HM13: variants seen among roughly 807,000 people sequenced by gnomAD.
The protein encoded by HM13 is histocompatibility minor 13.
A neutral mutation model predicts 50.0 loss-of-function variants in HM13; 18 were observed. The ratio of observed to expected loss-of-function variants is 0.36; its 90% confidence interval spans 0.25 to 0.53. The LOEUF (loss-of-function observed/expected upper bound fraction) is 0.53. HM13 is among the 20% of genes least tolerant of loss of function. The pLI, the probability that HM13 is intolerant of heterozygous loss-of-function variation, is 0.90. For missense variants in HM13, 393 were observed against 552.4 expected (o/e 0.71, Z 2.89); for synonymous variants, 197 against 232.6 (o/e 0.85, Z 1.39).
In HM13 at chr20:31,514,603, C is replaced by A; in HGVS notation, c.52C>A (p.Pro18Thr). 2 of 1,601,242 alleles carry A rather than the reference C, an allele frequency of 1.2e-6. No individual in the cohort carries two copies. Among genetic ancestry groups the A allele is most frequent in the East Asian group, 2.3e-5 (1 of 44,330 alleles). ...TAACGGCAGTGCCGAGGCAGGCGGC[C>A]CCACCAACAGCACTACGCGGCCGCC... ...PHNGSAEAGG[P>T]TNSTTRPPST... The change falls in exon 1 of 13, where the codon CCC becomes ACC. Residue 18 changes from proline to threonine, a missense_variant. Around this residue, in one of 3 missense-constraint regions of HM13, gnomAD observed 214 missense variants for 276.1 expected, o/e 0.77. Transcript: ENST00000398174. This position sits in a 1 kb window ranked among gnomAD's most constrained non-coding sequence, Gnocchi z 4.3.
At chr20:31,515,150 T>G (rs1981695406) in intron 1 of HM13, among the ~76,000 whole-genome samples, 1 of 152,094 alleles carries the variant, frequency 6.6e-6, no homozygotes, top group African/African-American at 2.4e-5. Flanking sequence ...AATGGTACAA[T>G]TTCGTGTCAT....
In HM13 at chr20:31,553,839, G is replaced by T. The variant is rs115157577; in HGVS notation, c.725-907G>T. ...TCAGCAAATACAGAAGGAGCTTATAGCCCGGGCTCACCCTGCTTCAGAACA... is the reference window on the plus strand; with the variant it reads ...TCAGCAAATACAGAAGGAGCTTATATCCCGGGCTCACCCTGCTTCAGAACA... On this transcript the variant is annotated intron_variant, in intron 7 of 12. Coordinates refer to ENST00000398174, the MANE Select transcript of HM13 (RefSeq NM_178581.3). Among the ~76,000 whole-genome samples, 1,119 of 152,132 alleles carry T rather than the reference G, an allele frequency of 7.4e-3. 13 individuals carry two copies. Among genetic ancestry groups the T allele is most frequent in the African/African-American group, 0.026 (1,068 of 41,508 alleles).
Position 31,514,613 on chromosome 20 carries a change from G to C in HM13, c.62G>C (p.Ser21Thr). The part of the protein sequence containing the change: ...GSAEAGGPTN[S>T]TTRPPSTPEG... The stretch of plus-strand genomic sequence containing the variant: ...GCCGAGGCAGGCGGCCCCACCAACA[G>C]CACTACGCGGCCGCCTTCCACGCCC... The change falls in exon 1 of 13, where the codon AGC becomes ACC. Residue 21 changes from serine to threonine, a missense_variant. This residue lies in a region of HM13 where 214 missense variants were observed against 276.1 expected (regional missense o/e 0.77). Transcript: ENST00000398174. The surrounding 1 kb of genome is among the most constrained non-coding windows in gnomAD (Gnocchi z 4.3). The C allele has an allele frequency of 6.3e-7, 1 of 1,595,792 alleles. No individual in the cohort carries two copies. Among genetic ancestry groups the C allele is most frequent in the Non-Finnish European group, 8.5e-7 (1 of 1,173,054 alleles).
At chr20:31,546,336 G>A (rs1983717271) in intron 4 of HM13, among the ~76,000 whole-genome samples, 4 of 152,008 alleles carry the variant, frequency 2.6e-5, no homozygotes, top group Admixed American at 1.3e-4. Context: ...GCGCCCGGCC[G>A]TAGCACTCTC....
intron 9 of HM13, among the ~76,000 whole-genome samples, chr20:31,561,076 C>A (rs1413287889): frequency 6.6e-6 from 1 of 152,222 alleles, no homozygotes; most frequent in African/African-American, 2.4e-5. Context: ...TTTATTCATG[C>A]AGCCAGCATC....
chr20:31,560,480 T>C (rs1984542231), intron 9 of HM13, among the ~76,000 whole-genome samples: 1 of 152,246 alleles, frequency 6.6e-6, no homozygotes, highest in South Asian at 2.1e-4. Context: ...CCCACTCACA[T>C]ACACCTGGGT....
intron 8 of HM13, among the ~76,000 whole-genome samples, chr20:31,557,786 C>T (rs1285910660): frequency 3.4e-5 from 5 of 146,672 alleles, no homozygotes; most frequent in Non-Finnish European, 7.4e-5. Context: ...AAGCTCACTG[C>T]AACCTCCACC....
rs1279600833 is a variant in HM13, at chr20:31,529,509, T to C, written c.282+1927T>C. Among the ~76,000 whole-genome samples the C allele has an allele frequency of 1.3e-5, 2 of 152,174 alleles. 1 individual carries two copies. The highest frequency in any genetic ancestry group is 4.1e-4 in the South Asian group (2 of 4,832). On this transcript the variant is annotated intron_variant, in intron 2 of 12. Coordinates refer to ENST00000398174, the MANE Select transcript of HM13 (RefSeq NM_178581.3). ...GTCCACCCTCCTTGGCCTTGTAAAG[T>C]GCTGGTATTACAAGCATGAGCCACC...
At chr20:31,528,052 T>A (rs1027205877) in intron 2 of HM13, 4 of 152,924 alleles carry the variant, frequency 2.6e-5, no homozygotes, top group African/African-American at 9.7e-5. Context: ...CCTTCGGAGG[T>A]GTGTCCTTCC....
At chr20:31,516,451 TAACTA>T (rs1981786164) in intron 1 of HM13, among the ~76,000 whole-genome samples, 1 of 152,248 alleles carries the variant, frequency 6.6e-6, no homozygotes, top group East Asian at 1.9e-4. Flanking sequence ...GAAAGAATAA[TAACTA>T]GATTGTGATT....
At chr20:31,551,521 A>T (rs142529415) in intron 7 of HM13, among the ~76,000 whole-genome samples, 1 of 152,196 alleles carries the variant, frequency 6.6e-6, no homozygotes, top group Non-Finnish European at 1.5e-5. Flanking sequence ...CCAAGTCTAA[A>T]CCATTCACCA....
chr20:31,535,092 A>G (rs545833746), intron 2 of HM13, among the ~76,000 whole-genome samples: 81 of 152,114 alleles, frequency 5.3e-4, no homozygotes, highest in Admixed American at 3.6e-3. Context: ...TCTCAAAAAA[A>G]AAAAAAGAAG....
intron 1 of HM13, among the ~76,000 whole-genome samples, chr20:31,515,424 G>A (rs1312362014): frequency 6.6e-6 from 1 of 152,250 alleles, no homozygotes; most frequent in Non-Finnish European, 1.5e-5. Flanking sequence ...AGGCATGGAC[G>A]TCTTATTTTC....
At position 31,536,949 on chromosome 20, in the gene HM13, G is replaced by A. The variant is rs201505079; in HGVS notation, c.283-1230G>A. On this transcript the variant is annotated intron_variant, in intron 2 of 12. Coordinates refer to ENST00000398174, the MANE Select transcript of HM13 (RefSeq NM_178581.3). ...CCTCACTGGCCCATGACCTCTAGGAGAGCAGCGACTTTGCCTGATTCCTTG... is the reference window on the plus strand; with the variant it reads ...CCTCACTGGCCCATGACCTCTAGGAAAGCAGCGACTTTGCCTGATTCCTTG... Among the ~76,000 whole-genome samples, 7 of 152,370 alleles carry A rather than the reference G, an allele frequency of 4.6e-5. No individual in the cohort carries two copies. In the East Asian group the frequency reaches 1.2e-3, roughly 25 times the overall value.
intron 3 of HM13, chr20:31,539,821 G>A (rs1983334033): frequency 2.0e-5 from 3 of 151,594 alleles, no homozygotes; most frequent in Admixed American, 2.0e-4. Context: ...CAATATGAAT[G>A]TGGCTTCATT....
chr20:31,566,957 G>A (rs558177103), intron 11 of HM13, among the ~76,000 whole-genome samples: 2 of 152,168 alleles, frequency 1.3e-5, no homozygotes, highest in East Asian at 3.9e-4. Context: ...TGTCAGTTGC[G>A]ATTAAAGCTG....
At chr20:31,543,590 G>C (rs1208245639) in intron 3 of HM13, among the ~76,000 whole-genome samples, 1 of 151,904 alleles carries the variant, frequency 6.6e-6, no homozygotes, top group Non-Finnish European at 1.5e-5. Context: ...CCTGGCCAGA[G>C]AGGGTTCTTG....
intron 3 of HM13, chr20:31,540,121 C>T (rs1397958073): frequency 1.3e-5 from 2 of 152,384 alleles, no homozygotes; most frequent in South Asian, 4.1e-4. Flanking sequence ...TCTGGTCTTC[C>T]CACTGAGGTC....
chr20:31,559,597 G>C lies in HM13; in HGVS notation c.809-14G>C. On this transcript the variant is annotated splice_polypyrimidine_tract_variant and intron_variant, in intron 8 of 12. Coordinates refer to ENST00000398174, the MANE Select transcript of HM13 (RefSeq NM_178581.3). ...GCTTCCCTGCCACTCTCTAACCCCA[G>C]CTTTCTCCCACAGGGATCTTCATTG... The C allele has an allele frequency of 1.2e-6, 2 of 1,614,066 alleles. No individual in the cohort carries two copies. The highest frequency in any genetic ancestry group is 4.5e-5 in the East Asian group (2 of 44,862).
Sources: allele counts gnomAD v4.1 joint callset (sites outside exome capture counted in the v4.1 genomes callset), GRCh38; gene constraint gnomAD v4.1.1; regional missense constraint gnomAD v4.1.1; non-coding constraint Gnocchi (gnomAD v3.1); transcripts MANE v1.5; gene names NCBI Gene and HGNC (gene_info 2026-07-23, HGNC 2026-07-21).